The following SCARA5 variants were observed in gnomAD, a reference collection of about 807,000 sequenced individuals.
The protein encoded by SCARA5 is scavenger receptor class A, member 5 (putative).
A neutral mutation model predicts 46.3 loss-of-function variants in SCARA5; 45 were observed. The ratio of observed to expected loss-of-function variants is 0.97; its 90% CI spans 0.76 to 1.24. The LOEUF (loss-of-function observed/expected upper bound fraction) is 1.24, where lower values mean the gene tolerates loss of function less well. Ranked by LOEUF, SCARA5 falls within the 50% of genes most tolerant of loss-of-function variation. The probability of loss-of-function intolerance (pLI) is 0.00; values close to 1 mark genes in which losing one functional copy is unlikely to be tolerated. For missense variants in SCARA5, 680 were observed against 689.0 expected (o/e 0.99, Z 0.15); for synonymous variants, 333 against 306.5 (o/e 1.09, Z -0.90).
intron 1 of SCARA5, among the ~76,000 whole-genome samples, chr8:27,990,536 C>T (rs1347537876): frequency 6.6e-6 from 1 of 152,082 alleles, no homozygotes; most frequent in Non-Finnish European, 1.5e-5. Flanking sequence ...CATCCCAGAC[C>T]AAAGAGGCAA....
intron 7 of SCARA5, among the ~76,000 whole-genome samples, chr8:27,898,985 C>T (rs773419451): frequency 1.3e-5 from 2 of 152,238 alleles, no homozygotes; most frequent in Non-Finnish European, 2.9e-5. Context: ...TGGCCCTCTG[C>T]ATCTCTCCCA....
intron 8 of SCARA5, among the ~76,000 whole-genome samples, chr8:27,875,405 T>C (rs1009510652): frequency 1.3e-5 from 2 of 152,116 alleles, no homozygotes; most frequent in African/African-American, 4.8e-5. Context: ...TAGAGAAGAA[T>C]GTGACGGGAT....
chr8:27,985,609 C>T lies in SCARA5; in HGVS notation c.112+1895G>A, dbSNP rs111517282. Among the ~76,000 whole-genome samples the T allele has an allele frequency of 9.7e-4, 147 of 152,296 alleles. 1 individual carries two copies. The highest frequency in any genetic ancestry group is 3.4e-3 in the African/African-American group (140 of 41,560). On this transcript the variant is annotated intron_variant, in intron 2 of 8. Transcript: ENST00000354914. ...GACCTCAGAGATAACCCCCTGCATC[C>T]CCATTTGGCAGATGAGTACACTGAG...
chr8:27,911,090 T>C (rs911057430), intron 4 of SCARA5, among the ~76,000 whole-genome samples: 5 of 152,024 alleles, frequency 3.3e-5, no homozygotes, highest in Admixed American at 3.3e-4. Flanking sequence ...CCCAAGCTAG[T>C]GAGCCCATGA....
chr8:27,928,692 G>A (rs1168894924), intron 3 of SCARA5, among the ~76,000 whole-genome samples: 1 of 151,776 alleles, frequency 6.6e-6, no homozygotes, highest in Non-Finnish European at 1.5e-5. Context: ...TTGAGACAGA[G>A]TTTTGCTTTG....
intron 7 of SCARA5, among the ~76,000 whole-genome samples, chr8:27,898,164 T>A (rs1807094872): frequency 6.6e-6 from 1 of 152,236 alleles, no homozygotes; most frequent in Non-Finnish European, 1.5e-5. Flanking sequence ...GGCCTTTAAT[T>A]TTTCCAGGTC....
chr8:27,932,065 A>G (rs1261271078), intron 3 of SCARA5, among the ~76,000 whole-genome samples: 5 of 151,896 alleles, frequency 3.3e-5, no homozygotes, highest in Non-Finnish European at 5.9e-5. Flanking sequence ...TGCAACCTCA[A>G]CTTTTCTGGG....
intron 2 of SCARA5, among the ~76,000 whole-genome samples, chr8:27,976,341 C>A (rs1396205619): frequency 6.6e-6 from 1 of 152,224 alleles, no homozygotes; most frequent in East Asian, 1.9e-4. Context: ...GCAGCAGGCT[C>A]AGGGTTCTGC....
At chr8:27,938,529 T>C (rs942495297) in intron 3 of SCARA5, among the ~76,000 whole-genome samples, 3 of 152,212 alleles carry the variant, frequency 2.0e-5, no homozygotes, top group African/African-American at 4.8e-5. Flanking sequence ...CATGCCTGTT[T>C]AGAGATAAAT....
intron 4 of SCARA5, among the ~76,000 whole-genome samples, chr8:27,912,089 CG>C (rs1193452833): frequency 2.6e-5 from 4 of 152,262 alleles, no homozygotes; most frequent in African/African-American, 9.6e-5. Context: ...TTTCAGACTT[CG>C]AGTCTCCAGA....
Position 27,921,736 on chromosome 8 carries a change from G to C in SCARA5, c.751C>G (p.Leu251Val). 1 of 1,589,246 alleles carries C rather than the reference G, an allele frequency of 6.3e-7. No individual in the cohort carries two copies. The highest frequency in any genetic ancestry group is 8.5e-7 in the Non-Finnish European group (1 of 1,170,116). Residue 251 changes from leucine (L) to valine (V), a missense_variant, in exon 4 of 9, where the codon CTG (leucine) becomes GTG (valine). Around this residue, in one of 3 missense-constraint regions of SCARA5, gnomAD observed 438 missense variants for 384.5 expected, o/e 1.14. Transcript: ENST00000354914. ...GTGTCCTCGCTGGCGTTGCTCACCA[G>C]CACCCGCAGGTCCTGCAGCCGCGTG... ...HRTRLQDLRV[L>V]VSNASEDTRR... is the part of the protein sequence containing the mutation.
chr8:27,878,852 GC>G (rs1272126442), intron 8 of SCARA5, among the ~76,000 whole-genome samples: 1 of 152,206 alleles, frequency 6.6e-6, no homozygotes, highest in African/African-American at 2.4e-5. Context: ...ACTTTGGGAG[GC>G]CAAGGTGGGT....
chr8:27,934,358 C>A (rs757650742), intron 3 of SCARA5, among the ~76,000 whole-genome samples: 1 of 152,216 alleles, frequency 6.6e-6, no homozygotes, highest in South Asian at 2.1e-4. Context: ...GGGATTTCGA[C>A]CTGGGAGGTC....
At chr8:27,968,778 CAT>C (rs1443073704) in intron 2 of SCARA5, among the ~76,000 whole-genome samples, 2 of 152,180 alleles carry the variant, frequency 1.3e-5, no homozygotes, top group Non-Finnish European at 2.9e-5. Flanking sequence ...TTGTCATCTT[CAT>C]ATGTGTTGCT....
chr8:27,889,502 G>A (rs1197435812), intron 7 of SCARA5, among the ~76,000 whole-genome samples: 1 of 152,162 alleles, frequency 6.6e-6, no homozygotes. Flanking sequence ...CAGAAGAGCT[G>A]GGGCCTGAAC....
At chr8:27,908,721 C>G (rs1327880865) in intron 5 of SCARA5, among the ~76,000 whole-genome samples, 1 of 152,092 alleles carries the variant, frequency 6.6e-6, no homozygotes, top group South Asian at 2.1e-4. Context: ...CCCAGGCTCC[C>G]CATCTTATGA....
intron 6 of SCARA5, among the ~76,000 whole-genome samples, chr8:27,906,258 C>T (rs1344211804): frequency 1.3e-5 from 2 of 152,132 alleles, no homozygotes; most frequent in Non-Finnish European, 2.9e-5. Context: ...GAAAGAGCAT[C>T]AGATGTCCTT....
intron 7 of SCARA5, among the ~76,000 whole-genome samples, chr8:27,895,309 A>T (rs1807046576): frequency 6.6e-6 from 1 of 152,184 alleles, no homozygotes. Context: ...CCTGAGGCAC[A>T]GGGGCTCTGC....
chr8:27,960,096 A>C (rs1387709278), intron 3 of SCARA5, among the ~76,000 whole-genome samples: 1 of 152,204 alleles, frequency 6.6e-6, no homozygotes, highest in Admixed American at 6.5e-5. Flanking sequence ...AGGCTAAACA[A>C]GTAGGTCTGT....
Sources: gnomAD v4.1 joint callset for allele counts (sites outside exome capture counted in the v4.1 genomes callset) on GRCh38, gnomAD v4.1.1 for gene constraint, gnomAD v4.1.1 regional missense constraint, MANE v1.5 for transcripts, NCBI Gene and HGNC (gene_info 2026-07-23, HGNC 2026-07-21) for gene names.